The following AOAH variants were observed in gnomAD, a reference collection of about 807,000 sequenced individuals.
AOAH encodes acyloxyacyl hydrolase (neutrophil).
In AOAH, 64 loss-of-function variants were observed where a neutral mutation model predicts 92.2. The ratio of observed to expected loss-of-function variants is 0.69; its 90% CI spans 0.57 to 0.86. The LOEUF (loss-of-function observed/expected upper bound fraction) is 0.86, where lower values mean the gene tolerates loss of function less well. Ranked by LOEUF, AOAH falls within the 40% of genes least tolerant of loss-of-function variation. The pLI, the probability that AOAH is intolerant of heterozygous loss-of-function variation, is 0.00. For missense variants in AOAH, 656 were observed against 694.6 expected (o/e 0.94, Z 0.62); for synonymous variants, 263 against 254.5 (o/e 1.03, Z -0.32).
intron 2 of AOAH, among the ~76,000 whole-genome samples, chr7:36,678,600 T>TGTGTGTGTGTGCGCGCGC (rs549317369): frequency 1.8e-4 from 23 of 131,086 alleles, no homozygotes; most frequent in South Asian, 5.6e-4. Flanking sequence ...TGTGTGTGTG[T>TGTGTGTGTGTGCGCGCGC]GCGCGCGCGC....
chr7:36,723,997 A>G (rs1169986469), intron 1 of AOAH, 25 bp downstream of exon 1: 7 of 1,608,178 alleles, frequency 4.4e-6, no homozygotes, highest in Non-Finnish European at 5.1e-6. Context: ...CTACATAGAA[A>G]ATACAAAAAT....
At chr7:36,528,208 G>T (rs1001561955) in intron 19 of AOAH, among the ~76,000 whole-genome samples, 4 of 152,214 alleles carry the variant, frequency 2.6e-5, no homozygotes, top group Admixed American at 2.6e-4. Flanking sequence ...CAAATAGCAG[G>T]AGATTACAAA....
Position 36,514,578 on chromosome 7 carries a change from G to A in AOAH, c.1600-1198C>T, listed in dbSNP as rs1008924629. ...CTTGTCATTAATATGCCTTTGAGGA[G>A]GATGCTCTTTCTCTGCAAACAATGC... On this transcript the variant is annotated intron_variant, in intron 20 of 20. Coordinates refer to ENST00000617537, the MANE Select transcript of AOAH (RefSeq NM_001637.4). 2.7e-5 allele frequency: 42 copies of A among 1,535,442 alleles called. No individual in the cohort carries two copies. In the African/African-American group the frequency reaches 4.5e-4, roughly 17 times the overall value.
chr7:36,692,112 G>A lies in AOAH; in HGVS notation c.128-5318C>T, dbSNP rs568429184. 6.4e-4 allele frequency among the ~76,000 whole-genome samples: 98 copies of A among 152,328 alleles called. 1 individual carries two copies. Among genetic ancestry groups the A allele is most frequent in the African/African-American group, 2.1e-3 (89 of 41,572 alleles). ...TAAATGATGGTTGTGTAAGTGTGGG[G>A]TGGTTTGTAATACAGCAAAGGCTAT... is the stretch of plus-strand genomic sequence containing the variant. On this transcript the variant is annotated intron_variant, in intron 1 of 20. Coordinates refer to ENST00000617537, the MANE Select transcript of AOAH (RefSeq NM_001637.4).
intron 11 of AOAH, among the ~76,000 whole-genome samples, chr7:36,607,385 G>T (rs1158925808): frequency 6.6e-6 from 1 of 152,204 alleles, no homozygotes; most frequent in Non-Finnish European, 1.5e-5. Flanking sequence ...TTCCTGAAGG[G>T]TCTTGATTTG....
rs563840051 is a variant in AOAH at position 36,528,451 on chromosome 7, C to T, written c.1522+1967G>A. ...AAGAATAAAGCTCTTCTCTCTATAT[C>T]CTCCACAGAGATAAGGACTCTTCTG... On this transcript the variant is annotated intron_variant, in intron 19 of 20. Transcript: ENST00000617537. 5.9e-5 allele frequency among the ~76,000 whole-genome samples: 9 copies of T among 152,314 alleles called. No individual in the cohort carries two copies. The South Asian group carries it at 1.9e-3, about 32-fold the overall frequency.
intron 16 of AOAH, among the ~76,000 whole-genome samples, chr7:36,539,959 C>G (rs1343893967): frequency 1.3e-5 from 2 of 152,172 alleles, no homozygotes; most frequent in Non-Finnish European, 2.9e-5. Flanking sequence ...GAAGCACTTA[C>G]CATTGAGGTT....
At chr7:36,647,310 G>A (rs908224713) in intron 4 of AOAH, among the ~76,000 whole-genome samples, 1 of 152,222 alleles carries the variant, frequency 6.6e-6, no homozygotes, top group African/African-American at 2.4e-5. Flanking sequence ...GCTCTAATGG[G>A]GGTGATTAAT....
intron 20 of AOAH, among the ~76,000 whole-genome samples, chr7:36,515,429 C>A (rs1417951072): frequency 2.7e-5 from 3 of 112,076 alleles, no homozygotes; most frequent in Non-Finnish European, 5.6e-5. Flanking sequence ...ACACCCCCCA[C>A]ACACCACACA....
At chr7:36,621,903 G>T in intron 7 of AOAH, 123 bp from the exon 8 acceptor site, 1 of 815,420 alleles carries the variant, frequency 1.2e-6, no homozygotes, top group Non-Finnish European at 2.1e-6. Flanking sequence ...TTCAATCTAG[G>T]ATCACTAAAG....
intron 1 of AOAH, among the ~76,000 whole-genome samples, chr7:36,693,919 G>A (rs1286719921): frequency 1.3e-5 from 2 of 152,146 alleles, no homozygotes; most frequent in African/African-American, 4.8e-5. Context: ...CAGAATTGAA[G>A]GACCTTTGAT....
At chr7:36,592,884 C>T (rs1016618027) in intron 12 of AOAH, among the ~76,000 whole-genome samples, 4 of 152,166 alleles carry the variant, frequency 2.6e-5, no homozygotes, top group African/African-American at 9.7e-5. Context: ...TTTAAAATAA[C>T]ATGATTAAGT....
At chr7:36,603,613 G>A (rs1790766853) in intron 11 of AOAH, among the ~76,000 whole-genome samples, 1 of 152,182 alleles carries the variant, frequency 6.6e-6, no homozygotes, top group Non-Finnish European at 1.5e-5. Context: ...TCTCTGTTGT[G>A]ACTGCTCAGT....
At chr7:36,625,133 A>T (rs1271147422) in intron 6 of AOAH, among the ~76,000 whole-genome samples, 2 of 152,100 alleles carry the variant, frequency 1.3e-5, no homozygotes, top group African/African-American at 4.8e-5. Context: ...CTGATGTCTC[A>T]TCACTAGTCC....
intron 11 of AOAH, among the ~76,000 whole-genome samples, chr7:36,613,561 C>T (rs1000975323): frequency 6.6e-6 from 1 of 152,174 alleles, no homozygotes; most frequent in Non-Finnish European, 1.5e-5. Context: ...CAGGACCTTT[C>T]CTGCATGCCT....
At position 36,521,360 on chromosome 7, in the gene AOAH, TGTC is replaced by T. The variant is rs1784099064; in HGVS notation, c.1599+676_1599+678del. Among the ~76,000 whole-genome samples, 13 of 152,290 alleles carry T rather than the reference TGTC, an allele frequency of 8.5e-5. No individual in the cohort carries two copies. The South Asian group carries it at 2.7e-3, about 32-fold the overall frequency. On this transcript the variant is annotated intron_variant, in intron 20 of 20. Coordinates refer to ENST00000617537, the MANE Select transcript of AOAH (RefSeq NM_001637.4). ...TTTCTTCTTCTTCTTAATAAAGAAA[TGTC>T]GTGAGCAAGTCCAGGACATACAACA...
At chr7:36,515,697 T>C (rs1308612905) in intron 20 of AOAH, among the ~76,000 whole-genome samples, 3 of 36,400 alleles carry the variant, frequency 8.2e-5, no homozygotes. Flanking sequence ...ACACACATAA[T>C]CACACACCCC....
intron 12 of AOAH, among the ~76,000 whole-genome samples, chr7:36,584,087 T>C (rs1789132696): frequency 6.6e-6 from 1 of 152,222 alleles, no homozygotes; most frequent in Non-Finnish European, 1.5e-5. Flanking sequence ...TTAGGAAATG[T>C]TTTATATATT....
At chr7:36,657,884 A>G (rs1442781271) in intron 4 of AOAH, among the ~76,000 whole-genome samples, 2 of 152,204 alleles carry the variant, frequency 1.3e-5, no homozygotes, top group Non-Finnish European at 2.9e-5. Flanking sequence ...TTTTGCGACT[A>G]TGTGTAGCTG....
Sources: allele counts gnomAD v4.1 joint callset (sites outside exome capture counted in the v4.1 genomes callset), GRCh38; gene constraint gnomAD v4.1.1; transcripts MANE v1.5; gene names NCBI Gene and HGNC (gene_info 2026-07-23, HGNC 2026-07-21).